The following PCDH15 variants were observed in gnomAD, a reference collection of about 807,000 sequenced individuals.
PCDH15 encodes protocadherin related 15.
A neutral mutation model predicts 178.5 loss-of-function variants in PCDH15; 129 were observed. The ratio of observed to expected loss-of-function variants is 0.72; its 90% CI spans 0.63 to 0.84. The LOEUF (loss-of-function observed/expected upper bound fraction) is 0.84, where lower values mean the gene tolerates loss of function less well. Ranked by LOEUF, PCDH15 falls within the 40% of genes least tolerant of loss-of-function variation. The probability of loss-of-function intolerance (pLI) is 0.00; values close to 1 mark genes in which losing one functional copy is unlikely to be tolerated. For synonymous variants in PCDH15, 800 were observed against 732.0 expected (o/e 1.09, Z -1.50); for missense variants, 2,230 against 2,099.9 (o/e 1.06, Z -1.21).
At chr10:54,435,054 A>ACC (rs1156772115) in intron 3 of PCDH15, among the ~76,000 whole-genome samples, 3 of 115,454 alleles carry the variant, frequency 2.6e-5, no homozygotes, top group Non-Finnish European at 6.0e-5. Context: ...TTTTAAACTT[A>ACC]TCTTACTTCC....
At chr10:55,507,155 G>A (rs1289690997) in intron 2 of PCDH15, among the ~76,000 whole-genome samples, 2 of 151,436 alleles carry the variant, frequency 1.3e-5, no homozygotes, top group African/African-American at 2.4e-5. Flanking sequence ...TCACTCAACA[G>A]GTTATAGTGG....
intron 2 of PCDH15, among the ~76,000 whole-genome samples, chr10:55,480,578 T>C (rs186233498): frequency 6.6e-6 from 1 of 151,972 alleles, no homozygotes; most frequent in East Asian, 1.9e-4. Context: ...TTCCTGCATC[T>C]ATGAGATAAC....
chr10:54,415,318 C>A (rs1224840289), intron 3 of PCDH15, among the ~76,000 whole-genome samples: 2 of 151,210 alleles, frequency 1.3e-5, no homozygotes, highest in East Asian at 3.9e-4. Context: ...ACAAAAGTTT[C>A]AAGATCAATT....
chr10:55,204,100 A>G (rs1257535335), intron 1 of PCDH15, among the ~76,000 whole-genome samples: 6 of 149,220 alleles, frequency 4.0e-5, no homozygotes, highest in Non-Finnish European at 7.4e-5. Context: ...TTTATTATAT[A>G]TCATATACTT....
intron 1 of PCDH15, among the ~76,000 whole-genome samples, chr10:54,699,923 A>C (rs1191236192): frequency 6.6e-6 from 1 of 152,108 alleles, no homozygotes; most frequent in East Asian, 1.9e-4. Context: ...GCTATGCCTT[A>C]ATGATTATAT....
At chr10:53,914,125 A>C (rs2083354542) in intron 25 of PCDH15, among the ~76,000 whole-genome samples, 1 of 152,192 alleles carries the variant, frequency 6.6e-6, no homozygotes, top group Non-Finnish European at 1.5e-5. Flanking sequence ...CAGATGCTGG[A>C]GAGGATGTGG....
intron 15 of PCDH15, among the ~76,000 whole-genome samples, chr10:54,118,303 T>C (rs947756494): frequency 7.9e-5 from 12 of 152,152 alleles, no homozygotes; most frequent in Non-Finnish European, 1.5e-4. Flanking sequence ...AAACTCCCTA[T>C]TAAATCAGCT....
chr10:55,159,611 A>G (rs1839005393), intron 2 of PCDH15, among the ~76,000 whole-genome samples: 1 of 148,248 alleles, frequency 6.7e-6, no homozygotes, highest in Non-Finnish European at 1.5e-5. Context: ...AAATGTGTAA[A>G]TAAATATATA....
chr10:55,374,048 C>G (rs1395981117), intron 2 of PCDH15, among the ~76,000 whole-genome samples: 1 of 150,578 alleles, frequency 6.6e-6, no homozygotes, highest in African/African-American at 2.4e-5. Context: ...ATGTAACACA[C>G]CTGCACGTTC....
intron 2 of PCDH15, among the ~76,000 whole-genome samples, chr10:55,556,261 T>C (rs1842089267): frequency 6.6e-6 from 1 of 152,162 alleles, no homozygotes; most frequent in South Asian, 2.1e-4. Flanking sequence ...TGACATGCTA[T>C]AATGAAAAAT....
intron 2 of PCDH15, among the ~76,000 whole-genome samples, chr10:55,121,493 G>C (rs1037611502): frequency 6.6e-6 from 1 of 152,062 alleles, no homozygotes; most frequent in South Asian, 2.1e-4. Context: ...GGGATGGAAT[G>C]AATGTATTTT....
chr10:53,947,554 T>TA (rs147573757), intron 23 of PCDH15, among the ~76,000 whole-genome samples: 44 of 147,054 alleles, frequency 3.0e-4, no homozygotes, highest in Middle Eastern at 3.5e-3. Context: ...AAGGGAAGAA[T>TA]AAAAAAAAAA....
intron 27 of PCDH15, among the ~76,000 whole-genome samples, chr10:53,859,736 A>G (rs1448040995): frequency 6.6e-6 from 1 of 152,114 alleles, no homozygotes. Context: ...AGATCCGAAA[A>G]ACCATACAAT....
intron 2 of PCDH15, among the ~76,000 whole-genome samples, chr10:54,567,920 G>C (rs965738020): frequency 2.0e-5 from 3 of 152,212 alleles, no homozygotes; most frequent in African/African-American, 7.2e-5. Context: ...AAGGCTTCCA[G>C]CATCTGCTGA....
chr10:55,476,916 G>GA (rs1840073005), intron 2 of PCDH15, among the ~76,000 whole-genome samples: 1 of 151,766 alleles, frequency 6.6e-6, no homozygotes, highest in Non-Finnish European at 1.5e-5. Context: ...TACAGACTAA[G>GA]AAAAAAATCC....
At chr10:53,812,472 C>T (rs1429782573) in intron 35 of PCDH15, among the ~76,000 whole-genome samples, 1 of 152,088 alleles carries the variant, frequency 6.6e-6, no homozygotes, top group African/African-American at 2.4e-5. Flanking sequence ...ATCGGCCTCC[C>T]AAAGTGCTGG....
intron 2 of PCDH15, among the ~76,000 whole-genome samples, chr10:54,542,686 C>A (rs749465459): frequency 1.2e-4 from 18 of 152,174 alleles, no homozygotes; most frequent in Non-Finnish European, 2.2e-4. Flanking sequence ...CCAAATGAAC[C>A]TATGTTCTTT....
At chr10:54,286,820 G>C (rs900967181) in intron 8 of PCDH15, among the ~76,000 whole-genome samples, 1 of 152,114 alleles carries the variant, frequency 6.6e-6, no homozygotes, top group Non-Finnish European at 1.5e-5. Flanking sequence ...TAGAGACGGG[G>C]TTTTGCCATG....
chr10:54,184,182 C>T (rs1047839195), intron 12 of PCDH15, among the ~76,000 whole-genome samples: 1 of 152,104 alleles, frequency 6.6e-6, no homozygotes, highest in African/African-American at 2.4e-5. Flanking sequence ...CCTGCCAAAT[C>T]AGTGCTACAG....
Sources: allele counts gnomAD v4.1 joint callset (sites outside exome capture counted in the v4.1 genomes callset), GRCh38; gene constraint gnomAD v4.1.1; transcripts MANE v1.5; gene names NCBI Gene and HGNC (gene_info 2026-07-23, HGNC 2026-07-21).